LUZP2: variants seen among roughly 807,000 people sequenced by gnomAD.
LUZP2 encodes the protein leucine zipper protein 2.
LUZP2 carries 52 observed loss-of-function variants against 51.6 expected under a neutral mutation model. That is an observed-to-expected ratio of 1.01 (90% CI 0.81 to 1.27). The LOEUF is 1.27. Ranked by LOEUF, LUZP2 falls within the 50% of genes most tolerant of loss-of-function variation. LUZP2 has a pLI of 0.00. For synonymous variants in LUZP2, 154 were observed against 137.3 expected, an observed-to-expected ratio of 1.12 and a Z score of -0.85; for missense variants, 436 against 395.4, an observed-to-expected ratio of 1.10 and a Z score of -0.87.
chr11:24,594,844 C>T (rs983784101), intron 1 of LUZP2, among the ~76,000 whole-genome samples: 1 of 141,012 alleles, frequency 7.1e-6, no homozygotes, highest in African/African-American at 2.7e-5. Flanking sequence ...ACTGCAACCT[C>T]TGCCTCCCGG....
chr11:24,544,130 A>G (rs1454316345), intron 1 of LUZP2, among the ~76,000 whole-genome samples: 5 of 152,014 alleles, frequency 3.3e-5, no homozygotes, highest in African/African-American at 9.7e-5. Context: ...TCTAAGAAGG[A>G]AAACTTGGTG....
chr11:24,756,393 T>C (rs2134019062), intron 4 of LUZP2, among the ~76,000 whole-genome samples: 1 of 152,328 alleles, frequency 6.6e-6, no homozygotes, highest in South Asian at 2.1e-4. Context: ...GTTTGGCTTT[T>C]GTCATCAACA....
At chr11:24,810,890 T>C (rs1850000159) in intron 5 of LUZP2, among the ~76,000 whole-genome samples, 1 of 152,158 alleles carries the variant, frequency 6.6e-6, no homozygotes, top group African/African-American at 2.4e-5. Context: ...GCCTTTATCC[T>C]GTGGAGATGG....
At chr11:24,539,375 C>G (rs999983919) in intron 1 of LUZP2, among the ~76,000 whole-genome samples, 1 of 151,898 alleles carries the variant, frequency 6.6e-6, no homozygotes, top group Non-Finnish European at 1.5e-5. Flanking sequence ...CTCCACTTCA[C>G]TCTCAAAATT....
intron 5 of LUZP2, among the ~76,000 whole-genome samples, chr11:24,817,492 T>G (rs866104601): frequency 1.3e-5 from 2 of 152,020 alleles, no homozygotes; most frequent in Non-Finnish European, 2.9e-5. Flanking sequence ...ATTATACAAC[T>G]GATGAATGAG....
At chr11:24,790,900 C>G (rs1168077172) in intron 5 of LUZP2, among the ~76,000 whole-genome samples, 1 of 152,102 alleles carries the variant, frequency 6.6e-6, no homozygotes, top group Non-Finnish European at 1.5e-5. Flanking sequence ...CTCACTTTTC[C>G]ATTTATGCAT....
At chr11:24,813,275 C>T (rs77847429) in intron 5 of LUZP2, among the ~76,000 whole-genome samples, 148 of 152,246 alleles carry the variant, frequency 9.7e-4, no homozygotes, top group African/African-American at 3.4e-3. Context: ...CCTGCCACTT[C>T]CTAAATAGAG....
At chr11:24,980,675 A>C (rs1462667988) in intron 8 of LUZP2, among the ~76,000 whole-genome samples, 1 of 151,832 alleles carries the variant, frequency 6.6e-6, no homozygotes, top group Admixed American at 6.6e-5. Flanking sequence ...TAAGATATAA[A>C]GGTAGAAAAT....
chr11:24,633,121 A>T lies in LUZP2; in HGVS notation c.63-96048A>T, dbSNP rs1463114224. On this transcript the variant is annotated intron_variant, in intron 1 of 11. Coordinates refer to ENST00000336930, the MANE Select transcript of LUZP2 (RefSeq NM_001009909.4). ...AGATTTTCTTGTTGCCTTCATGATG[A>T]CCATATGTAAAATTACCTTCATATG... 3.9e-5 allele frequency among the ~76,000 whole-genome samples: 6 copies of T among 152,102 alleles called. No homozygotes were observed. The East Asian group carries it at 1.2e-3, about 29-fold the overall frequency.
chr11:24,652,029 ATATATGTGTGTACACATGTTG>A (rs879500181), intron 1 of LUZP2, among the ~76,000 whole-genome samples: 2,585 of 150,816 alleles, frequency 0.017, 33 homozygotes, highest in Middle Eastern at 0.021. Flanking sequence ...GTATATATAG[ATATATGTGTGTACACATGTTG>A]TATATGTGTG....
intron 1 of LUZP2, among the ~76,000 whole-genome samples, chr11:24,530,264 T>G (rs1402178471): frequency 6.6e-6 from 1 of 150,912 alleles, no homozygotes; most frequent in African/African-American, 2.4e-5. Context: ...GAAAGTTAAA[T>G]GCATAACTTC....
At chr11:24,509,123 C>T (rs1232040638) in intron 1 of LUZP2, among the ~76,000 whole-genome samples, 2 of 152,216 alleles carry the variant, frequency 1.3e-5, no homozygotes, top group African/African-American at 2.4e-5. Flanking sequence ...GGTTCTTGCC[C>T]GCTGTTTGCA....
intron 7 of LUZP2, among the ~76,000 whole-genome samples, chr11:24,929,614 A>T (rs1854384626): frequency 6.6e-6 from 1 of 152,080 alleles, no homozygotes; most frequent in African/African-American, 2.4e-5. Context: ...TCTTAAATTG[A>T]CTGACACTTG....
chr11:24,570,207 T>A (rs188814439), intron 1 of LUZP2, among the ~76,000 whole-genome samples: 2 of 152,086 alleles, frequency 1.3e-5, no homozygotes, highest in East Asian at 3.9e-4. Flanking sequence ...ACGGTGATGG[T>A]ACATGGTTCA....
intron 5 of LUZP2, among the ~76,000 whole-genome samples, chr11:24,845,699 A>G (rs749883036): frequency 8.5e-5 from 13 of 152,194 alleles, no homozygotes; most frequent in African/African-American, 1.2e-4. Context: ...AATGAGTTGC[A>G]TGAAATCTGA....
intron 9 of LUZP2, among the ~76,000 whole-genome samples, chr11:25,007,474 G>A (rs561388702): frequency 6.6e-6 from 1 of 152,176 alleles, no homozygotes; most frequent in African/African-American, 2.4e-5. Context: ...ATGGTGGCAT[G>A]TGCCTGTAAT....
At chr11:24,804,201 A>G (rs181374093) in intron 5 of LUZP2, among the ~76,000 whole-genome samples, 61 of 152,228 alleles carry the variant, frequency 4.0e-4, no homozygotes, top group Admixed American at 3.1e-3. Context: ...TTTTCTTATT[A>G]TATCACAAAA....
At chr11:25,007,968 T>C (rs1390536017) in intron 9 of LUZP2, among the ~76,000 whole-genome samples, 1 of 152,236 alleles carries the variant, frequency 6.6e-6, no homozygotes, top group Non-Finnish European at 1.5e-5. Flanking sequence ...TGAATATCCA[T>C]TGATGCTGTA....
intron 7 of LUZP2, among the ~76,000 whole-genome samples, chr11:24,969,119 A>T (rs1353957167): frequency 6.6e-6 from 1 of 152,000 alleles, no homozygotes; most frequent in Non-Finnish European, 1.5e-5. Flanking sequence ...TAATCCCAGT[A>T]CCCAATAGTT....
Sources: gnomAD v4.1 joint callset for allele counts (sites outside exome capture counted in the v4.1 genomes callset) on GRCh38, gnomAD v4.1.1 for gene constraint, MANE v1.5 for transcripts, NCBI Gene and HGNC (gene_info 2026-07-23, HGNC 2026-07-21) for gene names.